SEC61A1: variants seen among roughly 807,000 people sequenced by gnomAD.
SEC61A1 encodes protein transport protein Sec61 subunit alpha isoform 1.
SEC61A1 carries 15 observed loss-of-function variants against 55.2 expected under a neutral mutation model. That is an observed-to-expected ratio of 0.27 (90% CI 0.18 to 0.42). The LOEUF (loss-of-function observed/expected upper bound fraction) is 0.42. Among genes scored for constraint, SEC61A1 ranks in the 10% least tolerant of loss-of-function variants. The pLI, the probability that SEC61A1 is intolerant of heterozygous loss-of-function variation, is 1.00. For missense variants in SEC61A1, 284 were observed against 602.6 expected (o/e 0.47, Z 5.53); for synonymous variants, 247 against 234.0 (o/e 1.06, Z -0.51).
At chr3:128,060,245 C>A in intron 6 of SEC61A1, 34 bp downstream of exon 6, 2 of 1,420,628 alleles carry the variant, frequency 1.4e-6, no homozygotes, top group Non-Finnish European at 2.0e-6. Context: ...CTTTGAGTAG[C>A]CCCTCACACT....
At chr3:128,061,383 C>T (rs1222766532) in intron 7 of SEC61A1, among the ~76,000 whole-genome samples, 1 of 152,152 alleles carries the variant, frequency 6.6e-6, no homozygotes, top group East Asian at 1.9e-4. Flanking sequence ...ACAAGGGAAG[C>T]CTTAGAGAGT....
At position 128,052,954 on chromosome 3, in the gene SEC61A1, C is replaced by T. The variant is rs575962627; in HGVS notation, c.75+52C>T. The T allele has an allele frequency of 1.5e-5, 22 of 1,427,210 alleles. No individual in the cohort carries two copies. The South Asian group carries it at 1.9e-4, about 12-fold the overall frequency. The allele number at this position is 1,427,210 out of a possible 1,614,324, so 88.4% of individuals were successfully genotyped here. On this transcript the variant is annotated intron_variant, in intron 2 of 11. Transcript: ENST00000243253. ...AAGGTTTCAGGAAACTGTCTGGACT[C>T]TGGAAGTTTACAGTATGATTAAAAA...
intron 8 of SEC61A1, chr3:128,066,670 C>T: frequency 2.3e-6 from 1 of 432,082 alleles, no homozygotes; most frequent in South Asian, 3.8e-5. Flanking sequence ...GCAATTCTCC[C>T]ACCTCGGCCT....
intron 5 of SEC61A1, among the ~76,000 whole-genome samples, chr3:128,059,289 C>A (rs1414956021): frequency 6.6e-6 from 1 of 152,050 alleles, no homozygotes. Flanking sequence ...CTGGCTAACA[C>A]AGTGAAACCC....
At chr3:128,059,814 C>G (rs1941827967) in intron 5 of SEC61A1, among the ~76,000 whole-genome samples, 1 of 152,160 alleles carries the variant, frequency 6.6e-6, no homozygotes, top group South Asian at 2.1e-4. Context: ...TTGAATAGAA[C>G]AAATTTTCCA....
In SEC61A1 at chr3:128,056,944, T is replaced by A. The variant is rs571793812; in HGVS notation, c.352+104T>A. The A allele has an allele frequency of 2.5e-3, 2,374 of 952,310 alleles. 21 individuals carry two copies. Among genetic ancestry groups the A allele is most frequent in the Middle Eastern group, 9.7e-3 (25 of 2,586 alleles). The allele number at this position is 952,310 out of a possible 1,614,324, so 59.0% of individuals were successfully genotyped here. ...TTTTTTTATTTATTTTTTATTTTTT[T>A]TTTTTTTTTTGAGATGGAGTCTTAC... On this transcript the variant is annotated intron_variant, in intron 5 of 11. Coordinates refer to ENST00000243253, the MANE Select transcript of SEC61A1 (RefSeq NM_013336.4).
chr3:128,063,823 C>T (rs936444207), intron 7 of SEC61A1, among the ~76,000 whole-genome samples: 10 of 152,210 alleles, frequency 6.6e-5, no homozygotes, highest in Admixed American at 2.0e-4. Context: ...TTCTTTTTTT[C>T]GCTTTTTAGT....
chr3:128,052,975 A>T, intron 2 of SEC61A1, 73 bp downstream of exon 2: 1 of 1,198,472 alleles, frequency 8.3e-7, no homozygotes, highest in Non-Finnish European at 1.2e-6. Context: ...CAGTATGATT[A>T]AAAATGGCTT....
At chr3:128,068,115 T>G (rs1942040516) in intron 11 of SEC61A1, 56 bp downstream of exon 11, 2 of 1,409,056 alleles carry the variant, frequency 1.4e-6, no homozygotes, top group Non-Finnish European at 2.0e-6. Flanking sequence ...GTTGTTTCTT[T>G]CCATGCAGGG....
chr3:128,066,758 C>T lies in SEC61A1; in HGVS notation c.778-196C>T, dbSNP rs11714729. 54,248 of 589,888 alleles carry T rather than the reference C, an allele frequency of 0.092. 2,872 individuals are homozygous for T. The highest frequency in any genetic ancestry group is 0.12 in the Non-Finnish European group (38,594 of 330,640). 36.5% of individuals were successfully genotyped at this position (589,888 alleles called of 1,614,324 possible). A position where few individuals can be genotyped will look rare whatever the true frequency, so the allele number is the denominator to read the frequency against. The stretch of plus-strand genomic sequence containing the variant: ...TTTTTAAACCAGCTTTTCTGGGCCC[C>T]TTCTGGATGTGCCAAGTGCAGGAGT... On this transcript the variant is annotated intron_variant, in intron 8 of 11. Transcript: ENST00000243253.
At chr3:128,052,798 T>A (rs986185100) in intron 1 of SEC61A1, 37 bp from the exon 2 acceptor site, 1 of 1,589,862 alleles carries the variant, frequency 6.3e-7, no homozygotes, top group African/African-American at 1.3e-5. Flanking sequence ...TACTTCTCTG[T>A]GTCCCAACTC....
intron 8 of SEC61A1, 106 bp from the exon 9 acceptor site, chr3:128,066,848 A>C: frequency 1.9e-6 from 2 of 1,055,520 alleles, no homozygotes; most frequent in Non-Finnish European, 2.8e-6. Flanking sequence ...AGCACACAGG[A>C]TTTCCTCCCT....
chr3:128,052,831 A>G lies in SEC61A1; in HGVS notation c.8-4A>G, dbSNP rs751977561. 1.2e-6 allele frequency: 2 copies of G among 1,613,188 alleles called. No homozygotes were observed. The highest frequency in any genetic ancestry group is 1.7e-6 in the Non-Finnish European group (2 of 1,179,348). On this transcript the variant is annotated splice_polypyrimidine_tract_variant and splice_region_variant and intron_variant, in intron 1 of 11. Transcript: ENST00000243253. The stretch of plus-strand genomic sequence containing the variant: ...CTCTTCCTGTTTTGTTTCTCCCATC[A>G]AAGTCAAATTTCTGGAAGTCATCAA...
At chr3:128,058,331 C>G (rs1183513544) in intron 5 of SEC61A1, among the ~76,000 whole-genome samples, 1 of 150,784 alleles carries the variant, frequency 6.6e-6, no homozygotes, top group African/African-American at 2.4e-5. Context: ...GCCTCAGCCT[C>G]CCAAGTAGCT....
intron 4 of SEC61A1, among the ~76,000 whole-genome samples, chr3:128,056,242 A>G (rs947468706): frequency 2.0e-5 from 3 of 152,246 alleles, no homozygotes; most frequent in Non-Finnish European, 4.4e-5. Context: ...ACTCATTTAA[A>G]AAATATAGTT....
chr3:128,069,797 G>A lies in SEC61A1; in HGVS notation c.*135G>A. 6.2e-6 allele frequency: 5 copies of A among 800,600 alleles called. No individual in the cohort carries two copies. In the African/African-American group the frequency reaches 6.9e-5, roughly 11 times the overall value. The allele number at this position is 800,600 out of a possible 1,614,324, so 49.6% of individuals were successfully genotyped here. Reference sequence around the variant, plus strand: ...ATTTCGTATTCTTTCATTCCACTGTGTAAAGTGCTAGACATTTTCCAATTT... The same window carrying A: ...ATTTCGTATTCTTTCATTCCACTGTATAAAGTGCTAGACATTTTCCAATTT... On this transcript the variant is annotated 3_prime_UTR_variant, in exon 12 of 12. Transcript: ENST00000243253.
At chr3:128,058,460 C>T (rs549777337) in intron 5 of SEC61A1, among the ~76,000 whole-genome samples, 146 of 152,214 alleles carry the variant, frequency 9.6e-4, no homozygotes, top group African/African-American at 3.2e-3. Flanking sequence ...GTGATCCGCC[C>T]GCCTCAGGCT....
At chr3:128,066,053 A>G (rs1282494249) in intron 8 of SEC61A1, among the ~76,000 whole-genome samples, 2 of 151,632 alleles carry the variant, frequency 1.3e-5, no homozygotes, top group East Asian at 3.9e-4. Flanking sequence ...TAAGTATTTA[A>G]TTTTTAAATC....
At chr3:128,065,762 A>C (rs1259239344) in intron 8 of SEC61A1, among the ~76,000 whole-genome samples, 1 of 97,808 alleles carries the variant, frequency 1.0e-5, no homozygotes, top group Non-Finnish European at 1.9e-5. Context: ...TTTGAGACGG[A>C]GTCTTGCTCT....
Sources: allele counts gnomAD v4.1 joint callset (sites outside exome capture counted in the v4.1 genomes callset), GRCh38; gene constraint gnomAD v4.1.1; transcripts MANE v1.5; gene names NCBI Gene and HGNC (gene_info 2026-07-23, HGNC 2026-07-21).